Variants in SERGEF observed in about 807,000 individuals in gnomAD.
The protein encoded by SERGEF is secretion-regulating guanine nucleotide exchange factor.
Under a neutral mutation model 50.0 loss-of-function variants are expected in SERGEF, and 51 were observed. That is an observed-to-expected ratio of 1.02 (90% confidence interval 0.81 to 1.29). The LOEUF is 1.29. Among genes scored for constraint, SERGEF ranks in the 50% most tolerant of loss-of-function variants. The pLI is 0.00. For synonymous variants in SERGEF, 205 were observed against 212.4 expected (o/e 0.97, Z 0.30); for missense variants, 521 against 557.0 (o/e 0.94, Z 0.65).
chr11:17,888,081 C>T lies in SERGEF; in HGVS notation c.1012-9837G>A, dbSNP rs142638244. Among the ~76,000 whole-genome samples the T allele has an allele frequency of 1.9e-4, 29 of 152,292 alleles. No homozygotes were observed. Among genetic ancestry groups the T allele is most frequent in the African/African-American group, 6.5e-4 (27 of 41,546 alleles). Reference sequence around the variant, plus strand: ...CTCCGCGTGGGAGGGATCTAGGCTGCGCAATCCTTATGAGACTCTAACTAA... The same window carrying T: ...CTCCGCGTGGGAGGGATCTAGGCTGTGCAATCCTTATGAGACTCTAACTAA... On this transcript the variant is annotated intron_variant, in intron 9 of 10. Transcript: ENST00000265965. This position sits in a 1 kb window ranked among gnomAD's most constrained non-coding sequence, Gnocchi z 4.1.
At chr11:17,896,850 GGGTAA>G (rs1851650357) in intron 9 of SERGEF, among the ~76,000 whole-genome samples, 2 of 67,604 alleles carry the variant, frequency 3.0e-5, no homozygotes, top group Admixed American at 1.6e-4. Context: ...GGGAAGGGAA[GGGTAA>G]GGGAAGGGAA....
intron 10 of SERGEF, among the ~76,000 whole-genome samples, chr11:17,846,048 G>A (rs1351040141): frequency 1.3e-5 from 2 of 152,164 alleles, no homozygotes; most frequent in African/African-American, 2.4e-5. Flanking sequence ...CTGGAGGTAG[G>A]GGCAGATAAG....
At chr11:17,882,306 C>T (rs2016743) in intron 9 of SERGEF, among the ~76,000 whole-genome samples, 21,557 of 151,310 alleles carry the variant, frequency 0.14, 1,978 homozygotes, top group Middle Eastern at 0.27. Context: ...ATGATCCCAT[C>T]TGCTCAGGAG....
chr11:17,981,717 C>G (rs112308706), intron 8 of SERGEF, among the ~76,000 whole-genome samples: 1 of 152,194 alleles, frequency 6.6e-6, no homozygotes, highest in African/African-American at 2.4e-5. Flanking sequence ...AACCATTTCC[C>G]AGTTTCTACT....
intron 10 of SERGEF, among the ~76,000 whole-genome samples, chr11:17,792,486 G>T (rs777065312): frequency 6.6e-6 from 1 of 152,204 alleles, no homozygotes; most frequent in Non-Finnish European, 1.5e-5. Context: ...AAGCTGGCAG[G>T]TGCCTCTCCT....
intron 10 of SERGEF, among the ~76,000 whole-genome samples, chr11:17,842,466 G>A (rs1850522132): frequency 6.6e-6 from 1 of 152,118 alleles, no homozygotes; most frequent in East Asian, 1.9e-4. Context: ...CCATGCATTA[G>A]GCGTGGTACC....
chr11:17,908,692 A>C (rs2133927432), intron 9 of SERGEF, among the ~76,000 whole-genome samples: 1 of 152,296 alleles, frequency 6.6e-6, no homozygotes, highest in Non-Finnish European at 1.5e-5. Flanking sequence ...TAAATAAATA[A>C]ATGCACGTGG....
intron 1 of SERGEF, chr11:18,012,742 A>G: frequency 1.6e-6 from 2 of 1,289,358 alleles, no homozygotes; most frequent in Non-Finnish European, 2.1e-6. Context: ...GCCAGCCGGC[A>G]GGCCCCTAAG....
rs1470494641 is a variant in SERGEF at position 17,859,387 on chromosome 11, C to G, written c.1048+18821G>C. 5.9e-5 allele frequency among the ~76,000 whole-genome samples: 9 copies of G among 151,988 alleles called. No individual in the cohort carries two copies. The South Asian group carries it at 1.9e-3, about 32-fold the overall frequency. On this transcript the variant is annotated intron_variant, in intron 10 of 10. Coordinates refer to ENST00000265965, the MANE Select transcript of SERGEF (RefSeq NM_012139.4). The stretch of plus-strand genomic sequence containing the variant: ...TTGGAAGATCAAGTCAAAAAATTTT[C>G]TCACAAAGTGGTAAGAAAAGTAAAA...
intron 9 of SERGEF, among the ~76,000 whole-genome samples, chr11:17,956,949 T>C (rs1852886166): frequency 6.6e-6 from 1 of 152,114 alleles, no homozygotes; most frequent in South Asian, 2.1e-4. Context: ...CTGGCCTGGC[T>C]CTCTCTTGGC....
In SERGEF at chr11:17,858,564, T is replaced by G. The variant is rs574415771; in HGVS notation, c.1048+19644A>C. Among the ~76,000 whole-genome samples, 151 of 152,274 alleles carry G rather than the reference T, an allele frequency of 9.9e-4. 2 individuals carry two copies. The highest frequency in any genetic ancestry group is 3.4e-3 in the Middle Eastern group (1 of 294). On this transcript the variant is annotated intron_variant, in intron 10 of 10. Transcript: ENST00000265965. ...ATCTTACAAGGAAGTCAGCAGCCAG[T>G]GCATCCTCCCCATGCCCACAGAGTC...
At chr11:17,834,133 T>C (rs991101319) in intron 10 of SERGEF, among the ~76,000 whole-genome samples, 1 of 152,188 alleles carries the variant, frequency 6.6e-6, no homozygotes, top group Non-Finnish European at 1.5e-5. Flanking sequence ...AAGGACCTGG[T>C]GGGAGGTAAT....
chr11:17,949,704 A>G (rs749583543), intron 9 of SERGEF, among the ~76,000 whole-genome samples: 3 of 152,148 alleles, frequency 2.0e-5, no homozygotes, highest in Non-Finnish European at 4.4e-5. Context: ...CAGCCCAACA[A>G]ATTCCAGGCC....
At chr11:17,931,859 G>C (rs767995464) in intron 9 of SERGEF, among the ~76,000 whole-genome samples, 16 of 152,144 alleles carry the variant, frequency 1.1e-4, no homozygotes, top group Non-Finnish European at 1.9e-4. Flanking sequence ...GTGACGCCCA[G>C]CAATCTGTGT....
At chr11:17,996,481 C>G (rs993588301) in intron 5 of SERGEF, among the ~76,000 whole-genome samples, 1 of 152,186 alleles carries the variant, frequency 6.6e-6, no homozygotes. Flanking sequence ...TGCAAGATAG[C>G]TTCTTAATAG....
At chr11:17,851,100 G>A (rs1850702483) in intron 10 of SERGEF, among the ~76,000 whole-genome samples, 1 of 152,192 alleles carries the variant, frequency 6.6e-6, no homozygotes, top group Non-Finnish European at 1.5e-5. Context: ...TTCCTCTGCT[G>A]TGAAACTGTC....
At position 17,991,002 on chromosome 11, in the gene SERGEF, G is replaced by T. The variant is rs1033167046; in HGVS notation, c.685+1929C>A. Among the ~76,000 whole-genome samples, 7 of 152,024 alleles carry T rather than the reference G, an allele frequency of 4.6e-5. No homozygotes were observed. Among genetic ancestry groups the T allele is most frequent in the Non-Finnish European group, 1.0e-4 (7 of 68,010 alleles). ...CATTTTTTAGTAGACCAGTGGCCAG[G>T]CTGGTCTTGAACTCCTGACCTCAAG... On this transcript the variant is annotated intron_variant, in intron 7 of 10. Transcript: ENST00000265965. The surrounding 1 kb of genome is among the most constrained non-coding windows in gnomAD (Gnocchi z 4.9).
At chr11:17,818,494 A>C (rs552477557) in intron 10 of SERGEF, among the ~76,000 whole-genome samples, 2 of 152,300 alleles carry the variant, frequency 1.3e-5, no homozygotes, top group African/African-American at 4.8e-5. Context: ...TCCATCACAC[A>C]GATAAGAAAA....
At chr11:17,836,047 G>A (rs909226006) in intron 10 of SERGEF, among the ~76,000 whole-genome samples, 4 of 152,208 alleles carry the variant, frequency 2.6e-5, no homozygotes, top group African/African-American at 7.2e-5. Context: ...TGGTTGACTG[G>A]TTAGGTAGAG....
Sources: allele counts gnomAD v4.1 joint callset (sites outside exome capture counted in the v4.1 genomes callset), GRCh38; gene constraint gnomAD v4.1.1; non-coding constraint Gnocchi (gnomAD v3.1); transcripts MANE v1.5; gene names NCBI Gene and HGNC (gene_info 2026-07-23, HGNC 2026-07-21).